The following ARHGAP32 variants were observed in gnomAD, a reference collection of about 807,000 sequenced individuals.
ARHGAP32 encodes rho GTPase-activating protein 32.
ARHGAP32 carries 51 observed loss-of-function variants against 186.5 expected under a neutral mutation model. The observed-to-expected ratio is 0.27, with a 90% CI of 0.22 to 0.35. ARHGAP32 has a LOEUF of 0.35. ARHGAP32 is among the 10% of genes least tolerant of loss of function. ARHGAP32 has a pLI of 1.00. For missense variants in ARHGAP32, 2,186 were observed against 2,623.5 expected (o/e 0.83, Z 3.64); for synonymous variants, 950 against 964.3 (o/e 0.99, Z 0.27).
chr11:129,077,075 A>C (rs1424042464), intron 6 of ARHGAP32, among the ~76,000 whole-genome samples: 5 of 152,174 alleles, frequency 3.3e-5, no homozygotes, highest in Admixed American at 2.0e-4. Context: ...ATAAAAGTAG[A>C]AGCAGCAGCT....
intron 12 of ARHGAP32, among the ~76,000 whole-genome samples, chr11:128,992,064 C>T (rs1946071175): frequency 6.6e-6 from 1 of 152,104 alleles, no homozygotes; most frequent in South Asian, 2.1e-4. Flanking sequence ...GACATGAGTA[C>T]AGTGTGACTT....
At position 129,005,143 on chromosome 11, in the gene ARHGAP32, AAACT is replaced by A. The variant is rs559147738; in HGVS notation, c.1046-6679_1046-6676del. ...TTGCATAGATAAACAAGCAAAAAGA[AAACT>A]AACAGACTGTATGCTTTAACTTCAT... On this transcript the variant is annotated intron_variant, in intron 11 of 22. Coordinates refer to ENST00000682385, the MANE Select transcript of ARHGAP32 (RefSeq NM_001378024.1). Among the ~76,000 whole-genome samples, 437 of 152,298 alleles carry A rather than the reference AAACT, an allele frequency of 2.9e-3. 1 individual carries two copies. Among genetic ancestry groups the A allele is most frequent in the African/African-American group, 0.01 (417 of 41,570 alleles).
chr11:129,092,730 C>T (rs548139432), intron 6 of ARHGAP32, among the ~76,000 whole-genome samples: 3 of 152,012 alleles, frequency 2.0e-5, no homozygotes, highest in Admixed American at 6.5e-5. Context: ...ATATCACACA[C>T]GATGAAAGCA....
chr11:129,063,269 G>C (rs570877684), intron 9 of ARHGAP32, among the ~76,000 whole-genome samples: 6 of 152,068 alleles, frequency 3.9e-5, no homozygotes, highest in Non-Finnish European at 8.8e-5. Flanking sequence ...TTTGAAAACA[G>C]TTCAGATTCT....
intron 1 of ARHGAP32, among the ~76,000 whole-genome samples, chr11:129,250,828 AAAGC>A (rs1248474341): frequency 1.2e-4 from 18 of 152,230 alleles, no homozygotes; most frequent in African/African-American, 4.3e-4. Context: ...ATTAAAAAGA[AAAGC>A]AAGAAGGAAG....
chr11:129,267,109 C>A (rs527652095), intron 1 of ARHGAP32, among the ~76,000 whole-genome samples: 53 of 152,314 alleles, frequency 3.5e-4, no homozygotes, highest in Non-Finnish European at 5.4e-4. Context: ...TAAAAACAAA[C>A]TCAGAGTTGG....
intron 5 of ARHGAP32, among the ~76,000 whole-genome samples, chr11:129,122,416 T>C (rs1942554059): frequency 6.6e-6 from 1 of 152,050 alleles, no homozygotes; most frequent in Non-Finnish European, 1.5e-5. Flanking sequence ...CAAACAGATA[T>C]ATCAAATGCT....
At position 128,973,415 on chromosome 11, in the gene ARHGAP32, G is replaced by C; in HGVS notation, c.3091C>G (p.Pro1031Ala). 1 of 1,613,438 alleles carries C rather than the reference G, an allele frequency of 6.2e-7. No homozygotes were observed. The highest frequency in any genetic ancestry group is 8.5e-7 in the Non-Finnish European group (1 of 1,179,672). Reference protein sequence around the residue: ...QTQTGAVTHDPPQDSVPVSSV... With the variant: ...QTQTGAVTHDAPQDSVPVSSV... The stretch of plus-strand genomic sequence containing the variant: ...CTGACAGGAACGGAATCCTGAGGGG[G>C]GTCATGGGTAACTGCTCCTAGTGGG... Residue 1031 changes from proline (P) to alanine (A), a missense_variant, in exon 22 of 23, where the codon CCC becomes GCC. Pro to Ala is a conservative substitution (Grantham distance 27). Coordinates refer to ENST00000682385, the MANE Select transcript of ARHGAP32 (RefSeq NM_001378024.1).
intron 1 of ARHGAP32, among the ~76,000 whole-genome samples, chr11:129,218,119 G>A (rs1451142782): frequency 6.6e-6 from 1 of 152,118 alleles, no homozygotes; most frequent in Non-Finnish European, 1.5e-5. Context: ...TGACACTTAA[G>A]TCATTAGCTT....
upstream of ARHGAP32, among the ~76,000 whole-genome samples, chr11:129,196,189 A>G (rs774233634): frequency 3.9e-5 from 6 of 152,256 alleles, no homozygotes; most frequent in Non-Finnish European, 7.3e-5. Flanking sequence ...AACATTGTTA[A>G]AAGTGCTGAC....
intron 1 of ARHGAP32, among the ~76,000 whole-genome samples, chr11:129,260,406 T>C (rs534703142): frequency 9.2e-5 from 14 of 152,190 alleles, no homozygotes; most frequent in African/African-American, 3.1e-4. Flanking sequence ...TCATGAAAGA[T>C]AAAAAGTGAA....
At chr11:129,226,383 C>CTT (rs1944782540) in intron 1 of ARHGAP32, among the ~76,000 whole-genome samples, 1 of 152,154 alleles carries the variant, frequency 6.6e-6, no homozygotes, top group South Asian at 2.1e-4. Flanking sequence ...TGACACATCA[C>CTT]ATACAAGGGA....
intron 6 of ARHGAP32, among the ~76,000 whole-genome samples, chr11:129,093,377 G>A (rs1204209595): frequency 6.6e-6 from 1 of 152,188 alleles, no homozygotes; most frequent in Non-Finnish European, 1.5e-5. Context: ...GAGGAGACAT[G>A]CAAGTTGCAA....
intron 1 of ARHGAP32, among the ~76,000 whole-genome samples, chr11:129,202,565 AAACTT>A (rs2135577747): frequency 6.6e-6 from 1 of 152,350 alleles, no homozygotes; most frequent in South Asian, 2.1e-4. Context: ...ATAAATAAGA[AAACTT>A]AAACAGATTC....
chr11:129,075,839 G>A (rs1190196551), intron 6 of ARHGAP32, among the ~76,000 whole-genome samples: 1 of 152,124 alleles, frequency 6.6e-6, no homozygotes, highest in East Asian at 1.9e-4. Flanking sequence ...TGAACCAGAA[G>A]GACTCCATCT....
At chr11:129,254,350 T>A (rs934684847) in intron 1 of ARHGAP32, among the ~76,000 whole-genome samples, 13 of 152,122 alleles carry the variant, frequency 8.5e-5, no homozygotes, top group African/African-American at 3.1e-4. Context: ...GAATCTGGAA[T>A]ACAGTCACTG....
intron 1 of ARHGAP32, among the ~76,000 whole-genome samples, chr11:129,248,439 C>T (rs1402363287): frequency 6.6e-6 from 1 of 152,098 alleles, no homozygotes; most frequent in Admixed American, 6.6e-5. Context: ...TACTCTTAAT[C>T]AAAATCTAAG....
intron 1 of ARHGAP32, among the ~76,000 whole-genome samples, chr11:129,185,655 T>TA (rs764400525): frequency 1.1e-4 from 17 of 152,094 alleles, no homozygotes; most frequent in Non-Finnish European, 1.8e-4. Flanking sequence ...CAAAAAACAT[T>TA]AAACTGACGG....
intron 11 of ARHGAP32, chr11:129,024,002 T>A (rs1938716682): frequency 2.0e-6 from 2 of 985,336 alleles, no homozygotes; most frequent in Non-Finnish European, 2.4e-6. Context: ...GGTTCCAACC[T>A]CACCACCACA....
Sources: allele counts gnomAD v4.1 joint callset (sites outside exome capture counted in the v4.1 genomes callset), GRCh38; gene constraint gnomAD v4.1.1; transcripts MANE v1.5; gene names NCBI Gene and HGNC (gene_info 2026-07-23, HGNC 2026-07-21).